C16orf96: variants seen among roughly 807,000 people sequenced by gnomAD.
C16orf96 encodes uncharacterized protein C16orf96.
A neutral mutation model predicts 103.6 loss-of-function variants in C16orf96; 108 were observed. The observed-to-expected ratio is 1.04, with a 90% CI of 0.89 to 1.22. The LOEUF is 1.22. Among genes scored for constraint, C16orf96 ranks in the 50% most tolerant of loss-of-function variants. The pLI is 0.00. For missense variants in C16orf96, 1,586 were observed against 1,464.2 expected (o/e 1.08, Z -1.36); for synonymous variants, 566 against 593.5 (o/e 0.95, Z 0.67).
In C16orf96 at chr16:4,578,897, C is replaced by T. The variant is rs1044755483; in HGVS notation, c.2156-43C>T. 7.5e-6 allele frequency: 11 copies of T among 1,473,840 alleles called. No individual in the cohort carries two copies. In the African/African-American group the frequency reaches 8.4e-5, roughly 11 times the overall value. 91.3% of individuals were successfully genotyped at this position (1,473,840 alleles called of 1,614,324 possible). A position where few individuals can be genotyped will look rare whatever the true frequency, so the allele number is the denominator to read the frequency against. ...GCTAGAGCCCAACAGAAACATCTTC[C>T]TCCATCCGAGCCCTCAGCAGCCACC... On this transcript the variant is annotated intron_variant, in intron 5 of 15. Transcript: ENST00000444310.
At chr16:4,586,060 G>C (rs887741761) in intron 7 of C16orf96, among the ~76,000 whole-genome samples, 2 of 152,108 alleles carry the variant, frequency 1.3e-5, no homozygotes, top group Non-Finnish European at 1.5e-5. Flanking sequence ...AGGAGTTCGA[G>C]ACCATCGTAA....
At position 4,575,539 on chromosome 16, in the gene C16orf96, C is replaced by G; in HGVS notation, c.1059C>G (p.Val353=). 7 of 1,540,890 alleles carry G rather than the reference C, an allele frequency of 4.5e-6. No homozygotes were observed. The highest frequency in any genetic ancestry group is 6.1e-6 in the Non-Finnish European group (7 of 1,144,100). Residue 353 remains valine, a synonymous_variant, in exon 5 of 16, where the codon GTC becomes GTG. Coordinates refer to ENST00000444310, the MANE Select transcript of C16orf96 (RefSeq NM_001145011.2). ...ELEPVPALGP[V]PGPSVTPGSL... Reference sequence around the variant, plus strand: ...AGCCTGTGCCTGCCCTGGGGCCTGTCCCAGGGCCCAGTGTGACACCTGGGT... The same window carrying G: ...AGCCTGTGCCTGCCCTGGGGCCTGTGCCAGGGCCCAGTGTGACACCTGGGT...
intron 13 of C16orf96, 23 bp from the exon 14 acceptor site, chr16:4,594,681 C>T (rs1256540149): frequency 5.8e-6 from 9 of 1,550,704 alleles, no homozygotes; most frequent in East Asian, 4.9e-5. Flanking sequence ...GCTCCCTAAC[C>T]CGGGACCTGG....
chr16:4,562,053 G>C (rs953886257), intron 1 of C16orf96, among the ~76,000 whole-genome samples: 4 of 152,002 alleles, frequency 2.6e-5, no homozygotes, highest in African/African-American at 7.2e-5. Flanking sequence ...TAACTTATTG[G>C]TCTTTTTGAG....
rs1479368223 is a variant in C16orf96 at position 4,591,596 on chromosome 16, CT to C, written c.2593-69del. On this transcript the variant is annotated intron_variant, in intron 9 of 15. Transcript: ENST00000444310. ...TGTAACTTCCCAGGTTGCTGCAACCCTCTTCTGGAAGGAGGCAGGGTGTGAA... is the reference window on the plus strand; with the variant it reads ...TGTAACTTCCCAGGTTGCTGCAACCCCTTCTGGAAGGAGGCAGGGTGTGAA... 3 of 1,296,302 alleles carry C rather than the reference CT, an allele frequency of 2.3e-6. No individual in the cohort carries two copies. In the African/African-American group the frequency reaches 4.4e-5, roughly 19 times the overall value. The allele number at this position is 1,296,302 out of a possible 1,614,324, so 80.3% of individuals were successfully genotyped here.
chr16:4,576,259 C>T lies in C16orf96; in HGVS notation c.1779C>T (p.Ala593=). ...CTGCCCAGGCAGCCAAAGTTGCTGC[C>T]AAGTTTGTCAAGGATGCCCCAGCCA... ...SSAAQAAKVA[A]KFVKDAPATK... The change falls in exon 5 of 16, where the codon GCC becomes GCT. Residue 593 remains alanine, a synonymous_variant. Coordinates refer to ENST00000444310, the MANE Select transcript of C16orf96 (RefSeq NM_001145011.2). The T allele has an allele frequency of 6.4e-7, 1 of 1,550,780 alleles. No individual in the cohort carries two copies. Among genetic ancestry groups the T allele is most frequent in the East Asian group, 2.4e-5 (1 of 40,926 alleles).
At chr16:4,565,124 GT>G (rs2059373556) in intron 1 of C16orf96, among the ~76,000 whole-genome samples, 1 of 152,086 alleles carries the variant, frequency 6.6e-6, no homozygotes, top group African/African-American at 2.4e-5. Context: ...TAAGGCCTTT[GT>G]AAGTACTGGG....
chr16:4,557,650 A>G (rs1003818064), intron 1 of C16orf96, among the ~76,000 whole-genome samples: 3 of 152,080 alleles, frequency 2.0e-5, no homozygotes, highest in Non-Finnish European at 4.4e-5. Flanking sequence ...AAAAATGGCT[A>G]ATTGTACATT....
chr16:4,551,542 C>G (rs1320663106), upstream of C16orf96, among the ~76,000 whole-genome samples: 4 of 152,152 alleles, frequency 2.6e-5, no homozygotes, highest in Non-Finnish European at 5.9e-5. Context: ...CGCTCCGCCT[C>G]CCAGGTTCAC....
At chr16:4,594,318 C>G in intron 12 of C16orf96, 33 bp from the exon 13 acceptor site, 1 of 1,546,574 alleles carries the variant, frequency 6.5e-7, no homozygotes, top group African/African-American at 1.4e-5. Flanking sequence ...TACAGGGTCT[C>G]CAGGTCGCTG....
the C16orf96 span, among the ~76,000 whole-genome samples, chr16:4,545,436 T>C: frequency 1.3e-5 from 2 of 152,278 alleles, no homozygotes; most frequent in South Asian, 2.1e-4. Flanking sequence ...AAGCGATCCT[T>C]GTGGCCTGGC....
intron 1 of C16orf96, chr16:4,559,910 G>C (rs2059309801): frequency 6.6e-6 from 1 of 152,258 alleles, no homozygotes; most frequent in Non-Finnish European, 1.5e-5. Context: ...GGGGGGAACA[G>C]AGAGAGACTG....
chr16:4,599,310 C>A lies in C16orf96; in HGVS notation c.3154C>A (p.Gln1052Lys). The A allele has an allele frequency of 6.4e-7, 1 of 1,551,652 alleles. No homozygotes were observed. Residue 1052 changes from glutamine (Q) to lysine (K), a missense_variant, in exon 15 of 16, where the codon CAA becomes AAA. Physicochemically the swap from Gln to Lys is moderately conservative, Grantham distance 53. Coordinates refer to ENST00000444310, the MANE Select transcript of C16orf96 (RefSeq NM_001145011.2). ...AAVKAPSPPSQSLYDRVHSSA... is the reference protein window; with the variant it reads ...AAVKAPSPPSKSLYDRVHSSA... ...TGTGAAGGCTCCATCTCCCCCGTCA[C>A]AAAGCCTGTATGACCGTGTGCACTC...
At chr16:4,541,360 C>T in the C16orf96 span, among the ~76,000 whole-genome samples, 1 of 152,184 alleles carries the variant, frequency 6.6e-6, no homozygotes, top group Non-Finnish European at 1.5e-5. Flanking sequence ...ACTTGTGGTG[C>T]TTTCTCATTC....
the C16orf96 span, among the ~76,000 whole-genome samples, chr16:4,541,594 T>C: frequency 2.0e-5 from 3 of 152,196 alleles, no homozygotes; most frequent in Non-Finnish European, 4.4e-5. Flanking sequence ...AGGGCAGCGC[T>C]GCCTACAAGT....
chr16:4,564,643 T>C (rs1004510487), intron 1 of C16orf96, among the ~76,000 whole-genome samples: 3 of 152,096 alleles, frequency 2.0e-5, no homozygotes, highest in Non-Finnish European at 4.4e-5. Flanking sequence ...AAACCTTGTC[T>C]TTACTAAAAA....
At chr16:4,581,048 G>A (rs533370285) in intron 7 of C16orf96, among the ~76,000 whole-genome samples, 12 of 149,248 alleles carry the variant, frequency 8.0e-5, no homozygotes, top group Non-Finnish European at 1.6e-4. Context: ...CCCTTGAACC[G>A]GGGAGGCAGT....
At chr16:4,595,820 C>G (rs960676365) in intron 14 of C16orf96, among the ~76,000 whole-genome samples, 1 of 152,070 alleles carries the variant, frequency 6.6e-6, no homozygotes, top group African/African-American at 2.4e-5. Flanking sequence ...GATTCTCCTG[C>G]CTCAGCCTCC....
In C16orf96 at chr16:4,582,000, G is replaced by A. The variant is rs145033743; in HGVS notation, c.2352+1875G>A. 1.8e-4 allele frequency among the ~76,000 whole-genome samples: 28 copies of A among 152,040 alleles called. 1 individual carries two copies. The highest frequency in any genetic ancestry group is 1.2e-3 in the East Asian group (6 of 5,164). ...AGCAAAAAGCAAAAAACTCACTAACGGCCAGGCGCGGTGGTTCACACCTGT... is the reference window on the plus strand; with the variant it reads ...AGCAAAAAGCAAAAAACTCACTAACAGCCAGGCGCGGTGGTTCACACCTGT... On this transcript the variant is annotated intron_variant, in intron 7 of 15. Coordinates refer to ENST00000444310, the MANE Select transcript of C16orf96 (RefSeq NM_001145011.2).
Sources: allele counts gnomAD v4.1 joint callset (sites outside exome capture counted in the v4.1 genomes callset), GRCh38; gene constraint gnomAD v4.1.1; transcripts MANE v1.5; gene names NCBI Gene and HGNC (gene_info 2026-07-23, HGNC 2026-07-21).